The following SCHIP1 variants were observed in gnomAD, a reference collection of about 807,000 sequenced individuals.
The protein encoded by SCHIP1 is schwannomin interacting protein 1.
SCHIP1 carries 8 observed loss-of-function variants against 29.7 expected under a neutral mutation model. The ratio of observed to expected loss-of-function variants is 0.27; its 90% CI spans 0.16 to 0.49. The LOEUF (loss-of-function observed/expected upper bound fraction) is 0.49. SCHIP1 is among the 20% of genes least tolerant of loss of function. The pLI is 0.99. For synonymous variants in SCHIP1, 76 were observed against 94.9 expected (o/e 0.80, Z 1.16); for missense variants, 193 against 294.6 (o/e 0.66, Z 2.52).
chr3:159,596,982 T>TTAA, the SCHIP1 span, among the ~76,000 whole-genome samples: 3 of 141,494 alleles, frequency 2.1e-5, no homozygotes, highest in South Asian at 2.2e-4. Context: ...AAAGCATCTT[T>TTAA]AAAAAAAAAA....
chr3:159,512,616 G>T, the SCHIP1 span, among the ~76,000 whole-genome samples: 1 of 152,162 alleles, frequency 6.6e-6, no homozygotes, highest in Non-Finnish European at 1.5e-5. Context: ...AGGTACATGA[G>T]ATGTTTTGAT....
the SCHIP1 span, among the ~76,000 whole-genome samples, chr3:159,824,051 G>A: frequency 9.9e-5 from 15 of 152,144 alleles, no homozygotes; most frequent in Admixed American, 2.0e-4. Flanking sequence ...AAACAAGAAC[G>A]TAATTGAGTA....
At chr3:159,413,141 C>T in the SCHIP1 span, among the ~76,000 whole-genome samples, 2 of 152,146 alleles carry the variant, frequency 1.3e-5, no homozygotes, top group Non-Finnish European at 2.9e-5. Context: ...ATCATGAGAA[C>T]AGCATGGGGA....
the SCHIP1 span, among the ~76,000 whole-genome samples, chr3:159,592,204 C>T: frequency 0.021 from 3,191 of 152,114 alleles, 41 homozygotes; most frequent in Non-Finnish European, 0.035. Flanking sequence ...TCCCTCATTT[C>T]CCATTCTTTT....
exon 1 of SCHIP1, chr3:159,840,140 G>A (rs1204586765): frequency 1.3e-6 from 2 of 1,534,094 alleles, no homozygotes; most frequent in South Asian, 1.2e-5. Context: ...CCGCAGCCTC[G>A]CTCAGCAGTC....
the SCHIP1 span, chr3:159,763,601 G>A: frequency 6.5e-6 from 1 of 152,950 alleles, no homozygotes; most frequent in Non-Finnish European, 1.5e-5. Context: ...CGCGAAAACC[G>A]GGACTGCGGA....
chr3:159,713,264 G>A, the SCHIP1 span, among the ~76,000 whole-genome samples: 1 of 147,356 alleles, frequency 6.8e-6, no homozygotes, highest in Non-Finnish European at 1.5e-5. Context: ...AAGAAAGAAA[G>A]AAAGAAAGAA....
At chr3:159,525,273 C>A in the SCHIP1 span, among the ~76,000 whole-genome samples, 7 of 152,206 alleles carry the variant, frequency 4.6e-5, no homozygotes, top group African/African-American at 1.7e-4. Context: ...GTTTCTCATT[C>A]CCTCACTAGA....
the SCHIP1 span, among the ~76,000 whole-genome samples, chr3:159,790,694 CA>C: frequency 2.0e-5 from 3 of 152,080 alleles, no homozygotes; most frequent in Middle Eastern, 3.2e-3. Flanking sequence ...AAAAAGAAAA[CA>C]AAAAGGCTAT....
the SCHIP1 span, among the ~76,000 whole-genome samples, chr3:159,475,914 C>G: frequency 6.6e-6 from 1 of 152,142 alleles, no homozygotes; most frequent in African/African-American, 2.4e-5. Context: ...ACAGAGGAAA[C>G]TATGGGTAAG....
At chr3:159,816,832 C>T in the SCHIP1 span, among the ~76,000 whole-genome samples, 8,434 of 152,112 alleles carry the variant, frequency 0.055, 351 homozygotes, top group Non-Finnish European at 0.066. Flanking sequence ...TTTTGTGGTA[C>T]CCTTTGCCTG....
chr3:159,605,198 G>A, the SCHIP1 span, among the ~76,000 whole-genome samples: 20 of 152,136 alleles, frequency 1.3e-4, no homozygotes, highest in African/African-American at 4.8e-4. Flanking sequence ...GAAGGAGGGT[G>A]GGCTAGGAAA....
At chr3:159,563,126 A>G in the SCHIP1 span, among the ~76,000 whole-genome samples, 1 of 152,200 alleles carries the variant, frequency 6.6e-6, no homozygotes, top group Admixed American at 6.5e-5. Flanking sequence ...TGCAGATGCC[A>G]TTCTTCAGAG....
At chr3:159,533,687 C>G in the SCHIP1 span, among the ~76,000 whole-genome samples, 1 of 152,148 alleles carries the variant, frequency 6.6e-6, no homozygotes, top group Non-Finnish European at 1.5e-5. Context: ...TTGATTTGGT[C>G]ATAGTTCCAA....
the SCHIP1 span, among the ~76,000 whole-genome samples, chr3:159,744,475 G>A: frequency 6.6e-6 from 1 of 152,208 alleles, no homozygotes. Context: ...TTCTGTAGGA[G>A]TGAGGAGCAC....
At chr3:159,647,932 T>C in the SCHIP1 span, among the ~76,000 whole-genome samples, 2 of 152,182 alleles carry the variant, frequency 1.3e-5, no homozygotes, top group African/African-American at 4.8e-5. Context: ...AAACTGATTT[T>C]TCTGGAGATC....
the SCHIP1 span, among the ~76,000 whole-genome samples, chr3:159,497,581 C>G: frequency 6.6e-6 from 1 of 151,606 alleles, no homozygotes; most frequent in South Asian, 2.1e-4. Context: ...CAATATTTAT[C>G]TAATTTTGAA....
At chr3:159,628,720 A>T in the SCHIP1 span, among the ~76,000 whole-genome samples, 2 of 152,214 alleles carry the variant, frequency 1.3e-5, no homozygotes, top group South Asian at 4.1e-4. Flanking sequence ...AGCTATTAAC[A>T]GGCATTTTCT....
chr3:159,891,329 C>A (rs1258460229), intron 5 of SCHIP1, among the ~76,000 whole-genome samples: 1 of 151,886 alleles, frequency 6.6e-6, no homozygotes, highest in African/African-American at 2.4e-5. Flanking sequence ...CGAGATCGTG[C>A]CACTGCACTC....
Sources: gnomAD v4.1 joint callset for allele counts (sites outside exome capture counted in the v4.1 genomes callset) on GRCh38, gnomAD v4.1.1 for gene constraint, MANE v1.5 for transcripts, NCBI Gene and HGNC (gene_info 2026-07-23, HGNC 2026-07-21) for gene names.